The following TRIM2 variants were observed in gnomAD, a reference collection of about 807,000 sequenced individuals.
TRIM2 encodes tripartite motif containing 2, also known as tripartite motif-containing protein 2.
Under a neutral mutation model 75.2 loss-of-function variants are expected in TRIM2, and 20 were observed. The observed-to-expected ratio is 0.27, with a 90% confidence interval of 0.19 to 0.39. TRIM2 has a LOEUF of 0.39. Among genes scored for constraint, TRIM2 ranks in the 10% least tolerant of loss-of-function variants. The pLI is 1.00. For missense variants in TRIM2, 660 were observed against 990.8 expected (o/e 0.67, Z 4.48); for synonymous variants, 373 against 388.3 (o/e 0.96, Z 0.46).
rs376727858 is a variant in TRIM2, at chr4:153,252,911, C to A, written c.31-17424C>A. Among the ~76,000 whole-genome samples the A allele has an allele frequency of 1.4e-4, 21 of 152,326 alleles. No homozygotes were observed. In the East Asian group the frequency reaches 2.1e-3, roughly 15 times the overall value. Reference sequence around the variant, plus strand: ...CTGAGATGAACTTTCACCTTTATGTCATATTATGTCATTTGTTCATTCATA... The same window carrying A: ...CTGAGATGAACTTTCACCTTTATGTAATATTATGTCATTTGTTCATTCATA... On this transcript the variant is annotated intron_variant, in intron 1 of 11. Transcript: ENST00000338700.
In TRIM2 at chr4:153,330,672, T is replaced by C. The variant is rs143777447; in HGVS notation, c.2163+2002T>C. Among the ~76,000 whole-genome samples, 55 of 152,326 alleles carry C rather than the reference T, an allele frequency of 3.6e-4. No individual in the cohort carries two copies. The East Asian group carries it at 7.3e-3, about 20-fold the overall frequency. ...TGAAAAATCATTTGACAAAATTTAA[T>C]ACCCATTCATGACAAAACTCTCAGA... is the stretch of plus-strand genomic sequence containing the variant. On this transcript the variant is annotated intron_variant, in intron 11 of 11. Transcript: ENST00000338700.
chr4:153,312,573 A>G (rs1437751006), intron 6 of TRIM2, among the ~76,000 whole-genome samples: 1 of 152,092 alleles, frequency 6.6e-6, no homozygotes, highest in Non-Finnish European at 1.5e-5. Flanking sequence ...GCTGGAGAGG[A>G]TGTGGAGAAA....
upstream of TRIM2, chr4:153,204,442 C>G: frequency 6.8e-7 from 1 of 1,480,014 alleles, no homozygotes; most frequent in Non-Finnish European, 9.2e-7. Context: ...CCCTTTAACT[C>G]GGCAGCTTGA....
intron 1 of TRIM2, among the ~76,000 whole-genome samples, chr4:153,264,367 C>A (rs1292699947): frequency 1.3e-5 from 2 of 152,148 alleles, no homozygotes; most frequent in African/African-American, 2.4e-5. Context: ...CAAAAGCATT[C>A]GAGCTTCTTT....
chr4:153,287,404 T>C (rs1760892378), intron 3 of TRIM2, among the ~76,000 whole-genome samples: 1 of 152,218 alleles, frequency 6.6e-6, no homozygotes, highest in Non-Finnish European at 1.5e-5. Context: ...GAGAGTTTAA[T>C]CCATTTAAAT....
intron 1 of TRIM2, among the ~76,000 whole-genome samples, chr4:153,192,059 G>A (rs927857800): frequency 6.6e-6 from 1 of 151,918 alleles, no homozygotes; most frequent in Non-Finnish European, 1.5e-5. Context: ...ACCCCTTTTT[G>A]TTGCCAAGCC....
intron 6 of TRIM2, among the ~76,000 whole-genome samples, chr4:153,299,160 C>G (rs1763357160): frequency 6.6e-6 from 1 of 152,158 alleles, no homozygotes; most frequent in African/African-American, 2.4e-5. Context: ...CCCACCCTCC[C>G]CAGCCTCTGG....
At position 153,338,772 on chromosome 4, in the gene TRIM2, G is replaced by A. The variant is rs187025024; in HGVS notation, c.*3806G>A. The A allele has an allele frequency of 1.0e-6, 1 of 985,826 alleles. No homozygotes were observed. The highest frequency in any genetic ancestry group is 6.1e-5 in the Admixed American group (1 of 16,288). The allele number at this position is 985,826 out of a possible 1,614,324, so 61.1% of individuals were successfully genotyped here. The stretch of plus-strand genomic sequence containing the variant: ...TAGAATAGATTAATAAATTGGCTAT[G>A]TTGTTCCAATGAATGTACAGCACTT... On this transcript the variant is annotated 3_prime_UTR_variant, in exon 12 of 12. Coordinates refer to ENST00000338700, the MANE Select transcript of TRIM2 (RefSeq NM_015271.5).
Position 153,322,705 on chromosome 4 carries a change from G to A in TRIM2, c.1840G>A (p.Gly614Arg). The A allele has an allele frequency of 6.2e-7, 1 of 1,614,166 alleles. No homozygotes were observed. The highest frequency in any genetic ancestry group is 8.5e-7 in the Non-Finnish European group (1 of 1,180,036). The change falls in exon 9 of 12, where the codon GGG (glycine) becomes AGG (arginine). Residue 614 changes from glycine to arginine, a missense_variant. Coordinates refer to ENST00000338700, the MANE Select transcript of TRIM2 (RefSeq NM_015271.5). ...CAAAGGAGTTTCTGTGGACCGCAAT[G>A]GGCACATTATTGTTGTGGACAACAA... Reference protein sequence around the residue: ...GPKGVSVDRNGHIIVVDNKAC... With the variant: ...GPKGVSVDRNRHIIVVDNKAC...
At chr4:153,257,760 G>A (rs1752430966) in intron 1 of TRIM2, 3 of 480,348 alleles carry the variant, frequency 6.2e-6, no homozygotes, top group South Asian at 5.0e-5. Context: ...TTTGTCTTCA[G>A]AAATGGGTAG....
chr4:153,187,738 C>T (rs1732753942), intron 1 of TRIM2, among the ~76,000 whole-genome samples: 1 of 152,018 alleles, frequency 6.6e-6, no homozygotes, highest in Non-Finnish European at 1.5e-5. Context: ...TGAGGTAGAC[C>T]CCTGGATGAT....
intron 11 of TRIM2, among the ~76,000 whole-genome samples, chr4:153,329,289 A>G (rs1055254006): frequency 6.6e-6 from 1 of 152,074 alleles, no homozygotes; most frequent in African/African-American, 2.4e-5. Context: ...ATTTTAAAAC[A>G]CTATTGTGCT....
At position 153,337,063 on chromosome 4, in the gene TRIM2, CAG is replaced by C; in HGVS notation, c.*2100_*2101del. On this transcript the variant is annotated 3_prime_UTR_variant, in exon 12 of 12. Transcript: ENST00000338700. ...AACAGGTAAAAAATCGCTGCCCCCT[CAG>C]AGCTGACATTCTGGGGTGGGAATTT... is the stretch of plus-strand genomic sequence containing the variant. 1 of 985,290 alleles carries C rather than the reference CAG, an allele frequency of 1.0e-6. No homozygotes were observed. The highest frequency in any genetic ancestry group is 1.2e-6 in the Non-Finnish European group (1 of 829,810). 61.0% of individuals were successfully genotyped at this position (985,290 alleles called of 1,614,324 possible). A position where few individuals can be genotyped will look rare whatever the true frequency, so the allele number is the denominator to read the frequency against.
chr4:153,200,524 G>A (rs1482663171), upstream of TRIM2, among the ~76,000 whole-genome samples: 11 of 151,974 alleles, frequency 7.2e-5, no homozygotes, highest in South Asian at 1.9e-3. Context: ...TTGAGCCCCC[G>A]TTTTCAATTG....
chr4:153,197,270 T>C (rs1391521318), intron 1 of TRIM2, among the ~76,000 whole-genome samples: 1 of 152,218 alleles, frequency 6.6e-6, no homozygotes, highest in Non-Finnish European at 1.5e-5. Context: ...CCTAAGAGTA[T>C]TTTTTATCCA....
At chr4:153,164,308 C>T (rs747073718) in intron 1 of TRIM2, among the ~76,000 whole-genome samples, 2 of 152,132 alleles carry the variant, frequency 1.3e-5, no homozygotes, top group Non-Finnish European at 2.9e-5. Flanking sequence ...CCATGCTCAG[C>T]TCACATGCAC....
At chr4:153,244,371 T>TCTTCTTCTTCTC (rs1748172787) in intron 1 of TRIM2, among the ~76,000 whole-genome samples, 1 of 53,702 alleles carries the variant, frequency 1.9e-5, no homozygotes, top group Non-Finnish European at 3.1e-5. Context: ...TTCTTCTTCT[T>TCTTCTTCTTCTC]CTTCTTCTTC....
upstream of TRIM2, among the ~76,000 whole-genome samples, chr4:153,203,431 ACG>A (rs1024113777): frequency 1.6e-4 from 23 of 147,014 alleles, no homozygotes; most frequent in Middle Eastern, 3.5e-3. Context: ...ACACACACAC[ACG>A]AAGAAGAACA....
intron 3 of TRIM2, among the ~76,000 whole-genome samples, chr4:153,285,488 T>C (rs761852569): frequency 2.6e-5 from 4 of 152,202 alleles, no homozygotes; most frequent in African/African-American, 7.2e-5. Flanking sequence ...TTTTTGATAA[T>C]ATTGTAAATG....
Sources: allele counts gnomAD v4.1 joint callset (sites outside exome capture counted in the v4.1 genomes callset), GRCh38; gene constraint gnomAD v4.1.1; transcripts MANE v1.5; gene names NCBI Gene and HGNC (gene_info 2026-07-23, HGNC 2026-07-21).